The following TTC28 variants were observed in gnomAD, a reference collection of about 807,000 sequenced individuals.
TTC28 encodes tetratricopeptide repeat protein 28.
A neutral mutation model predicts 198.0 loss-of-function variants in TTC28; 61 were observed. The observed-to-expected ratio is 0.31, with a 90% CI of 0.25 to 0.38. The LOEUF (loss-of-function observed/expected upper bound fraction) is 0.38, where lower values mean the gene tolerates loss of function less well. Ranked by LOEUF, TTC28 falls within the 10% of genes least tolerant of loss-of-function variation. The pLI, the probability that TTC28 is intolerant of heterozygous loss-of-function variation, is 1.00. For missense variants in TTC28, 2,678 were observed against 3,164.0 expected (o/e 0.85, Z 3.69); for synonymous variants, 1,171 against 1,297.8 (o/e 0.90, Z 2.10).
At chr22:28,227,740 A>G (rs927306901) in intron 5 of TTC28, among the ~76,000 whole-genome samples, 1 of 152,088 alleles carries the variant, frequency 6.6e-6, no homozygotes, top group African/African-American at 2.4e-5. Context: ...GGATATAGAG[A>G]AATTGGAACC....
chr22:28,026,724 C>T (rs569745135), intron 13 of TTC28, among the ~76,000 whole-genome samples: 1 of 152,316 alleles, frequency 6.6e-6, no homozygotes, highest in South Asian at 2.1e-4. Flanking sequence ...GGCTCTGGCC[C>T]TGTTGTGCAC....
chr22:28,036,897 C>T (rs1341673694), intron 12 of TTC28, among the ~76,000 whole-genome samples: 7 of 152,072 alleles, frequency 4.6e-5, no homozygotes, highest in South Asian at 4.1e-4. Context: ...AACACCTCTA[C>T]GCAAATAAAC....
At chr22:28,523,387 A>G (rs2048945476) in intron 2 of TTC28, among the ~76,000 whole-genome samples, 1 of 152,338 alleles carries the variant, frequency 6.6e-6, no homozygotes, top group African/African-American at 2.4e-5. Flanking sequence ...ATACATCCAT[A>G]TGATAAATTA....
chr22:28,658,046 A>G (rs2051688227), intron 1 of TTC28, among the ~76,000 whole-genome samples: 1 of 152,216 alleles, frequency 6.6e-6, no homozygotes, highest in South Asian at 2.1e-4. Context: ...ATTGTTAAAC[A>G]TAATAATATG....
At chr22:28,062,667 A>G (rs1940599240) in intron 12 of TTC28, among the ~76,000 whole-genome samples, 1 of 151,884 alleles carries the variant, frequency 6.6e-6, no homozygotes, top group South Asian at 2.1e-4. Context: ...CTATAAGTTC[A>G]TTGTTTTCTT....
chr22:28,262,822 G>C (rs1229010569), intron 5 of TTC28, among the ~76,000 whole-genome samples: 1 of 152,148 alleles, frequency 6.6e-6, no homozygotes, highest in African/African-American at 2.4e-5. Context: ...CTTATGGGGA[G>C]AGGATGGTTC....
intron 2 of TTC28, among the ~76,000 whole-genome samples, chr22:28,503,656 AT>A (rs2146373325): frequency 6.6e-6 from 1 of 152,372 alleles, no homozygotes; most frequent in South Asian, 2.1e-4. Context: ...CAGCAAGGAC[AT>A]TTCACATTTA....
intron 2 of TTC28, among the ~76,000 whole-genome samples, chr22:28,551,127 T>G (rs1221992684): frequency 6.6e-6 from 1 of 152,044 alleles, no homozygotes; most frequent in East Asian, 1.9e-4. Flanking sequence ...ACTTTACTAC[T>G]CCAGGAGATT....
chr22:28,123,248 T>TG (rs1555918968), intron 6 of TTC28, among the ~76,000 whole-genome samples: 4,268 of 151,790 alleles, frequency 0.028, 195 homozygotes, highest in African/African-American at 0.098. Context: ...AGGTTTTTTT[T>TG]TTTGTTTGTT....
chr22:28,009,756 C>T (rs1421698560), intron 14 of TTC28, among the ~76,000 whole-genome samples: 1 of 152,246 alleles, frequency 6.6e-6, no homozygotes, highest in Non-Finnish European at 1.5e-5. Flanking sequence ...AGATTTTCAC[C>T]TGTCTTCCCC....
chr22:28,086,501 C>T (rs563266547), intron 12 of TTC28, among the ~76,000 whole-genome samples: 1 of 152,218 alleles, frequency 6.6e-6, no homozygotes, highest in African/African-American at 2.4e-5. Context: ...ATCTCTGGGA[C>T]ACGTTCAAAG....
intron 2 of TTC28, among the ~76,000 whole-genome samples, chr22:28,363,417 G>A (rs1001251120): frequency 1.3e-5 from 2 of 152,206 alleles, no homozygotes; most frequent in Non-Finnish European, 2.9e-5. Flanking sequence ...TGGATGCCCA[G>A]GCAGAAGTTT....
chr22:28,018,271 G>GTA (rs1555903309), intron 13 of TTC28, among the ~76,000 whole-genome samples: 5 of 138,100 alleles, frequency 3.6e-5, no homozygotes, highest in Admixed American at 2.2e-4. Context: ...GTGTGTGTGT[G>GTA]TGTGTGTATG....
At chr22:28,474,756 G>T (rs1489646474) in intron 2 of TTC28, among the ~76,000 whole-genome samples, 1 of 152,192 alleles carries the variant, frequency 6.6e-6, no homozygotes, top group African/African-American at 2.4e-5. Context: ...AATTGGCCCT[G>T]CCCTTGCTCA....
chr22:28,117,727 C>A (rs1214362469), intron 6 of TTC28, among the ~76,000 whole-genome samples: 2 of 152,118 alleles, frequency 1.3e-5, no homozygotes, highest in Non-Finnish European at 2.9e-5. Context: ...GTCACCAGAA[C>A]CCCCCTATTT....
At position 27,979,308 on chromosome 22, in the gene TTC28, C is replaced by CATCT. The variant is rs1003001282; in HGVS notation, c.*2909_*2912dup. On this transcript the variant is annotated 3_prime_UTR_variant, in exon 23 of 23. Coordinates refer to ENST00000397906, the MANE Select transcript of TTC28 (RefSeq NM_001145418.2). ...CAGCCTGGCCAACATGGTGAAACCC[C>CATCT]ATCTCTATTAAAAATACAAAAATTA... is the stretch of plus-strand genomic sequence containing the variant. 10 of 152,044 alleles carry CATCT rather than the reference C, an allele frequency of 6.6e-5. No homozygotes were observed. Among genetic ancestry groups the CATCT allele is most frequent in the Non-Finnish European group, 1.5e-5 (1 of 68,022 alleles). 9.4% of individuals were successfully genotyped at this position (152,044 alleles called of 1,614,324 possible).
At chr22:28,492,821 A>G (rs1200044013) in intron 2 of TTC28, among the ~76,000 whole-genome samples, 1 of 152,184 alleles carries the variant, frequency 6.6e-6, no homozygotes, top group African/African-American at 2.4e-5. Context: ...AATGAACAAA[A>G]TTCCTCTAAT....
intron 2 of TTC28, among the ~76,000 whole-genome samples, chr22:28,384,513 A>G (rs925777787): frequency 6.6e-6 from 1 of 152,226 alleles, no homozygotes; most frequent in African/African-American, 2.4e-5. Context: ...CCATGAAAGC[A>G]GAAAATTTAT....
At chr22:28,572,510 G>A (rs534178613) in intron 2 of TTC28, among the ~76,000 whole-genome samples, 7 of 152,050 alleles carry the variant, frequency 4.6e-5, no homozygotes, top group African/African-American at 9.7e-5. Flanking sequence ...TATTAAACAT[G>A]GCCCTGACCT....
Sources: allele counts gnomAD v4.1 joint callset (sites outside exome capture counted in the v4.1 genomes callset), GRCh38; gene constraint gnomAD v4.1.1; transcripts MANE v1.5; gene names NCBI Gene and HGNC (gene_info 2026-07-23, HGNC 2026-07-21).